The following AIDA variants were observed in gnomAD, a reference collection of about 807,000 sequenced individuals.
AIDA encodes axin interactor, dorsalization associated, also known as axin interactor, dorsalization-associated protein.
Under a neutral mutation model 42.7 loss-of-function variants are expected in AIDA, and 18 were observed. The observed-to-expected ratio is 0.42, with a 90% confidence interval of 0.29 to 0.63. The LOEUF (loss-of-function observed/expected upper bound fraction) is 0.63. AIDA is among the 20% of genes least tolerant of loss of function. AIDA has a pLI of 0.19. For missense variants in AIDA, 250 were observed against 354.1 expected (o/e 0.71, Z 2.36); for synonymous variants, 104 against 122.9 (o/e 0.85, Z 1.02).
chr1:222,699,575 T>C (rs1450377309), intron 2 of AIDA, among the ~76,000 whole-genome samples: 1 of 152,192 alleles, frequency 6.6e-6, no homozygotes, highest in African/African-American at 2.4e-5. Flanking sequence ...ACAAACTCTA[T>C]CTGTTCAAAT....
chr1:222,676,301 C>G, intron 6 of AIDA, 83 bp from the exon 7 acceptor site: 1 of 1,419,972 alleles, frequency 7.0e-7, no homozygotes. Context: ...TACAGCCTTG[C>G]TTGTAACTGA....
At position 222,668,717 on chromosome 1, in the gene AIDA, T is replaced by C. The variant is rs1664388508; in HGVS notation, c.*1176A>G. The C allele has an allele frequency of 7.8e-6, 1 of 128,320 alleles. No individual in the cohort carries two copies. The allele number at this position is 128,320 out of a possible 1,614,324, so 7.9% of individuals were successfully genotyped here. On this transcript the variant is annotated 3_prime_UTR_variant, in exon 10 of 10. Transcript: ENST00000340020. ...CTCATGCATTGCTCATTTAAAATAG[T>C]GAATATTAAAATATGTGGGCTTTAC...
chr1:222,675,551 T>G (rs1664529104), intron 7 of AIDA, among the ~76,000 whole-genome samples: 1 of 152,198 alleles, frequency 6.6e-6, no homozygotes, highest in Non-Finnish European at 1.5e-5. Context: ...CTCCATAGGA[T>G]TACATTCAGA....
intron 5 of AIDA, 95 bp downstream of exon 5, chr1:222,687,500 C>A: frequency 1.9e-6 from 2 of 1,073,864 alleles, no homozygotes; most frequent in Non-Finnish European, 2.7e-6. Context: ...TCAATGATAT[C>A]AATAATACCA....
At chr1:222,712,133 A>G in intron 1 of AIDA, 75 bp downstream of exon 1, 1 of 1,545,282 alleles carries the variant, frequency 6.5e-7, no homozygotes, top group African/African-American at 1.4e-5. Context: ...TACGGTGATG[A>G]GAGACACCGA....
chr1:222,709,817 T>C (rs1655945081), intron 1 of AIDA, among the ~76,000 whole-genome samples: 1 of 152,242 alleles, frequency 6.6e-6, no homozygotes, highest in Admixed American at 6.5e-5. Context: ...TTCTCAGTGC[T>C]TTGAGGGCAG....
rs528323569 is a variant in AIDA at position 222,707,204 on chromosome 1, C to T, written c.111-3987G>A. On this transcript the variant is annotated intron_variant, in intron 1 of 9. Transcript: ENST00000340020. ...AGGAAAAAAAAACAACTTGGGCAGG[C>T]TGGAGTGCAGTGGCATGATCTTGGC... Among the ~76,000 whole-genome samples, 30 of 152,158 alleles carry T rather than the reference C, an allele frequency of 2.0e-4. 1 individual carries two copies. The highest frequency in any genetic ancestry group is 7.9e-4 in the Admixed American group (12 of 15,286).
Position 222,693,859 on chromosome 1 carries a change from G to T in AIDA, c.235-16C>A, listed in dbSNP as rs1413270034. ...ACTGTGTGGACTAAATTTAAAATAAGCATATTACATCTTTTCACTACAAGG... is the reference window on the plus strand; with the variant it reads ...ACTGTGTGGACTAAATTTAAAATAATCATATTACATCTTTTCACTACAAGG... On this transcript the variant is annotated splice_polypyrimidine_tract_variant and intron_variant, in intron 3 of 9. Transcript: ENST00000340020. 1 of 1,593,960 alleles carries T rather than the reference G, an allele frequency of 6.3e-7. No individual in the cohort carries two copies.
At chr1:222,704,619 C>G (rs1480067478) in intron 1 of AIDA, among the ~76,000 whole-genome samples, 1 of 151,924 alleles carries the variant, frequency 6.6e-6, no homozygotes, top group Non-Finnish European at 1.5e-5. Context: ...TCCACAGAGA[C>G]AAAAAGCAGA....
At chr1:222,680,960 C>T (rs1664642335) in intron 6 of AIDA, among the ~76,000 whole-genome samples, 1 of 151,826 alleles carries the variant, frequency 6.6e-6, no homozygotes, top group South Asian at 2.1e-4. Context: ...ATTCCCAAAC[C>T]GCGCAATAAG....
At chr1:222,693,108 C>G (rs1051206514) in intron 4 of AIDA, among the ~76,000 whole-genome samples, 5 of 152,074 alleles carry the variant, frequency 3.3e-5, no homozygotes, top group African/African-American at 1.2e-4. Context: ...TTCTAAAATG[C>G]TATGATTTTA....
intron 8 of AIDA, among the ~76,000 whole-genome samples, chr1:222,671,937 T>C (rs551132805): frequency 1.3e-5 from 2 of 152,344 alleles, no homozygotes; most frequent in African/African-American, 4.8e-5. Context: ...AGTTCAAATA[T>C]GTTACCATCA....
At chr1:222,696,191 A>G (rs906798272) in intron 2 of AIDA, among the ~76,000 whole-genome samples, 1 of 152,256 alleles carries the variant, frequency 6.6e-6, no homozygotes, top group Non-Finnish European at 1.5e-5. Context: ...GGCAACTGCA[A>G]AAGATTTCAC....
intron 2 of AIDA, among the ~76,000 whole-genome samples, chr1:222,700,982 G>C (rs1212000951): frequency 7.1e-6 from 1 of 141,322 alleles, no homozygotes; most frequent in Non-Finnish European, 1.6e-5. Flanking sequence ...GGGGGGGGGG[G>C]GACAGGGTCT....
chr1:222,673,670 C>A (rs1278000255), intron 7 of AIDA, among the ~76,000 whole-genome samples: 1 of 151,686 alleles, frequency 6.6e-6, no homozygotes. Context: ...CCCAGCTACT[C>A]GGGAGGCTCA....
intron 6 of AIDA, among the ~76,000 whole-genome samples, chr1:222,682,151 T>C (rs1165738465): frequency 6.6e-6 from 1 of 152,184 alleles, no homozygotes; most frequent in Non-Finnish European, 1.5e-5. Context: ...ATTTCCTTTT[T>C]TGTCTTATTA....
chr1:222,675,858 G>A (rs1212731673), intron 7 of AIDA, among the ~76,000 whole-genome samples: 1 of 152,092 alleles, frequency 6.6e-6, no homozygotes, highest in Non-Finnish European at 1.5e-5. Flanking sequence ...TACACACAAA[G>A]AAAAACTCAA....
chr1:222,709,487 T>C (rs992555038), intron 1 of AIDA, among the ~76,000 whole-genome samples: 1 of 151,842 alleles, frequency 6.6e-6, no homozygotes, highest in African/African-American at 2.4e-5. Flanking sequence ...GTAAGTACCA[T>C]GGAAAAAAAT....
intron 4 of AIDA, among the ~76,000 whole-genome samples, chr1:222,689,778 T>A (rs189608994): frequency 7.2e-5 from 11 of 151,812 alleles, no homozygotes; most frequent in Admixed American, 5.9e-4. Context: ...ATAAATTTAG[T>A]TTAGCCTAAT....
Sources: gnomAD v4.1 joint callset for allele counts (sites outside exome capture counted in the v4.1 genomes callset) on GRCh38, gnomAD v4.1.1 for gene constraint, MANE v1.5 for transcripts, NCBI Gene and HGNC (gene_info 2026-07-23, HGNC 2026-07-21) for gene names.